Variants in HERC2 observed in about 807,000 individuals in gnomAD.
HERC2 encodes HECT and RLD domain containing E3 ubiquitin protein ligase 2, also known as E3 ubiquitin-protein ligase HERC2.
In HERC2, 102 loss-of-function variants were observed where a neutral mutation model predicts 537.7. That is an observed-to-expected ratio of 0.19 (90% CI 0.16 to 0.22). The LOEUF (loss-of-function observed/expected upper bound fraction) is 0.22, where lower values mean the gene tolerates loss of function less well. Ranked by LOEUF, HERC2 falls within the 10% of genes least tolerant of loss-of-function variation. The pLI is 1.00. For synonymous variants in HERC2, 2,224 were observed against 2,466.2 expected, an observed-to-expected ratio of 0.90 and a Z score of 2.91; for missense variants, 4,236 against 6,198.2, an observed-to-expected ratio of 0.68 and a Z score of 10.63.
intron 78 of HERC2, 145 bp downstream of exon 78, chr15:28,141,287 C>T (rs747185424): frequency 1.6e-6 from 1 of 612,156 alleles, no homozygotes; most frequent in Non-Finnish European, 2.9e-6. Context: ...TCTTAGAACT[C>T]TAGCTGCTTC....
At chr15:28,129,999 T>A (rs1889939116) in intron 83 of HERC2, among the ~76,000 whole-genome samples, 164 bp downstream of exon 83, 1 of 152,104 alleles carries the variant, frequency 6.6e-6, no homozygotes, top group Non-Finnish European at 1.5e-5. Flanking sequence ...GGTCTCGATC[T>A]CTTGACCTCG....
intron 30 of HERC2, among the ~76,000 whole-genome samples, chr15:28,231,556 A>G (rs1901850418): frequency 6.6e-6 from 1 of 152,160 alleles, no homozygotes; most frequent in Non-Finnish European, 1.5e-5. Flanking sequence ...AATTCTTCAC[A>G]CATGATATGA....
At chr15:28,299,766 AC>A (rs1887113022) in intron 2 of HERC2, among the ~76,000 whole-genome samples, 1 of 152,196 alleles carries the variant, frequency 6.6e-6, no homozygotes, top group South Asian at 2.1e-4. Flanking sequence ...GAAAAATGAC[AC>A]GTGGTCGGGC....
Position 28,214,169 on chromosome 15 carries a change from G to C in HERC2, c.6462C>G (p.His2154Gln). ...EEVVALLRTL[H>Q]SLTQWNGLIN... is the part of the protein sequence containing the mutation. ...TGAGCCCATTCCACTGAGTCAGGGA[G>C]TGCAGCGTGCGCAGCAGTGCCACCA... Residue 2154 changes from histidine to glutamine, a missense_variant, in exon 41 of 93, where the codon CAC becomes CAG. Around this residue, in one of 27 missense-constraint regions of HERC2, gnomAD observed 365 missense variants for 468.8 expected, o/e 0.78. Coordinates refer to ENST00000261609, the MANE Select transcript of HERC2 (RefSeq NM_004667.6). 3 of 1,613,260 alleles carry C rather than the reference G, an allele frequency of 1.9e-6. No homozygotes were observed. Among genetic ancestry groups the C allele is most frequent in the Non-Finnish European group, 2.5e-6 (3 of 1,179,848 alleles).
intron 2 of HERC2, among the ~76,000 whole-genome samples, chr15:28,319,863 C>G (rs2077185980): frequency 6.6e-6 from 1 of 152,176 alleles, no homozygotes; most frequent in African/African-American, 2.4e-5. Flanking sequence ...CAAAAAGTTT[C>G]TCAAAATACA....
At position 28,189,139 on chromosome 15, in the gene HERC2, T is replaced by C. The variant is rs115916528; in HGVS notation, c.8649+1826A>G. Among the ~76,000 whole-genome samples, 497 of 152,270 alleles carry C rather than the reference T, an allele frequency of 3.3e-3. 1 individual carries two copies. Among genetic ancestry groups the C allele is most frequent in the African/African-American group, 0.012 (479 of 41,556 alleles). On this transcript the variant is annotated intron_variant, in intron 55 of 92. Coordinates refer to ENST00000261609, the MANE Select transcript of HERC2 (RefSeq NM_004667.6). ...CAAACTATTTGTACAGCAAAGGCCA[T>C]GCTTAAGATGCAGTGGCTCCACAGG...
chr15:28,182,571 TA>T, intron 56 of HERC2, 59 bp from the exon 57 acceptor site: 1 of 1,281,734 alleles, frequency 7.8e-7, no homozygotes, highest in African/African-American at 1.5e-5. Context: ...ATAAAACATT[TA>T]AAAAATAAAA....
At chr15:28,245,566 TACACACACAC>T (rs200862998) in intron 23 of HERC2, among the ~76,000 whole-genome samples, 5,552 of 119,202 alleles carry the variant, frequency 0.047, 405 homozygotes, top group African/African-American at 0.15. Context: ...AAAAAATATA[TACACACACAC>T]ACACACACAC....
intron 6 of HERC2, 128 bp from the exon 7 acceptor site, chr15:28,274,575 G>A (rs2075821897): frequency 1.1e-6 from 1 of 928,278 alleles, no homozygotes; most frequent in African/African-American, 1.7e-5. Context: ...CCAAAATCTA[G>A]CGCAGCTGCT....
intron 22 of HERC2, 107 bp from the exon 23 acceptor site, chr15:28,246,173 T>C: frequency 1.4e-6 from 1 of 696,428 alleles, no homozygotes; most frequent in South Asian, 2.2e-5. Flanking sequence ...AAGAAATGTT[T>C]GTCCTTTAGC....
Position 28,238,722 on chromosome 15 carries a change from T to G in HERC2, c.3628A>C (p.Ile1210Leu). ...NCRNNEEVTL[I>L]RKADLENHNK... ...TGGTTCTCCAAATCAGCTTTGCGTATAAGTGTCACTTCCTCATTATTTCTA... is the reference window on the plus strand; with the variant it reads ...TGGTTCTCCAAATCAGCTTTGCGTAGAAGTGTCACTTCCTCATTATTTCTA... The change falls in exon 24 of 93, where the codon ATA becomes CTA. Residue 1210 changes from isoleucine (I) to leucine (L), a missense_variant. Ile to Leu is a conservative substitution (Grantham distance 5). Around this residue, in one of 27 missense-constraint regions of HERC2, gnomAD observed 754 missense variants for 1,085.0 expected, o/e 0.69. Coordinates refer to ENST00000261609, the MANE Select transcript of HERC2 (RefSeq NM_004667.6). 2 of 1,611,538 alleles carry G rather than the reference T, an allele frequency of 1.2e-6. No individual in the cohort carries two copies. Among genetic ancestry groups the G allele is most frequent in the South Asian group, 1.1e-5 (1 of 90,972 alleles).
intron 78 of HERC2, among the ~76,000 whole-genome samples, chr15:28,141,106 C>T (rs1295690692): frequency 3.3e-5 from 5 of 151,654 alleles, no homozygotes; most frequent in African/African-American, 9.7e-5. Flanking sequence ...GGTGTGGTGG[C>T]GGGCGCCTAT....
At chr15:28,285,801 G>GAAAA (rs1172373564) in intron 4 of HERC2, among the ~76,000 whole-genome samples, 1 of 82,726 alleles carries the variant, frequency 1.2e-5, no homozygotes, top group African/African-American at 1.3e-4. Context: ...AAGCATGACT[G>GAAAA]ACAAAAAAAA....
At chr15:28,150,279 G>C (rs983892240) in intron 70 of HERC2, among the ~76,000 whole-genome samples, 1 of 150,678 alleles carries the variant, frequency 6.6e-6, no homozygotes, top group African/African-American at 2.4e-5. Context: ...TTCTAACCGA[G>C]AACATCACTG....
chr15:28,162,254 C>T (rs913191091), intron 69 of HERC2, among the ~76,000 whole-genome samples: 4 of 152,184 alleles, frequency 2.6e-5, no homozygotes, highest in African/African-American at 4.8e-5. Context: ...CACCTGATCC[C>T]GGGAGGTAGA....
chr15:28,167,809 C>T lies in HERC2; in HGVS notation c.10432G>A (p.Ala3478Thr), dbSNP rs149437745. The T allele has an allele frequency of 1.4e-4, 231 of 1,613,240 alleles. No individual in the cohort carries two copies. The Middle Eastern group carries it at 2.6e-3, about 18-fold the overall frequency. The stretch of plus-strand genomic sequence containing the variant: ...GGAGTCACTGCAGAGGGGGTCACTG[C>T]GTCCTCAGAGGAAACAATCTAGTCC... ...EKREIVSSED[A>T]VTPSAVTPSA... is the part of the protein sequence containing the mutation. The change falls in exon 68 of 93, where the codon GCA becomes ACA. Residue 3478 changes from alanine (A) to threonine (T), a missense_variant. Ala to Thr is a moderately conservative substitution (Grantham distance 58, BLOSUM62 0). Coordinates refer to ENST00000261609, the MANE Select transcript of HERC2 (RefSeq NM_004667.6).
In HERC2 at chr15:28,297,554, A is replaced by T. The variant is rs533030542; in HGVS notation, c.187+1848T>A. Among the ~76,000 whole-genome samples the T allele has an allele frequency of 2.7e-5, 4 of 148,106 alleles. No homozygotes were observed. In the South Asian group the frequency reaches 6.4e-4, roughly 24 times the overall value. On this transcript the variant is annotated intron_variant, in intron 3 of 92. Coordinates refer to ENST00000261609, the MANE Select transcript of HERC2 (RefSeq NM_004667.6). Reference sequence around the variant, plus strand: ...TAAATATAAACCCATTATGTTGTTTAAAAAAAAAAACATGAAAATCAAAAG... The same window carrying T: ...TAAATATAAACCCATTATGTTGTTTTAAAAAAAAAACATGAAAATCAAAAG...
At position 28,255,982 on chromosome 15, in the gene HERC2, C is replaced by T. The variant is rs1188518536; in HGVS notation, c.2761G>A (p.Val921Met). 2 of 1,606,258 alleles carry T rather than the reference C, an allele frequency of 1.2e-6. No homozygotes were observed. Among genetic ancestry groups the T allele is most frequent in the South Asian group, 1.1e-5 (1 of 91,076 alleles). ...LLPCAVSGNE[V>M]NISPGRRFMI... ...AATCGACGACCTGGACTTATGTTCA[C>T]TTCATTGCCTGAAACTGAAATAGAA... is the stretch of plus-strand genomic sequence containing the variant. Residue 921 changes from valine to methionine, a missense_variant, in exon 19 of 93, where the codon GTG becomes ATG. Val to Met is a conservative substitution (Grantham distance 21). Transcript: ENST00000261609.
At chr15:28,278,441 G>C (rs1251753832) in intron 5 of HERC2, among the ~76,000 whole-genome samples, 1 of 151,964 alleles carries the variant, frequency 6.6e-6, no homozygotes, top group Admixed American at 6.5e-5. Context: ...TAAATGCTCT[G>C]GAATTAGATG....
Sources: gnomAD v4.1 joint callset for allele counts (sites outside exome capture counted in the v4.1 genomes callset) on GRCh38, gnomAD v4.1.1 for gene constraint, gnomAD v4.1.1 regional missense constraint, MANE v1.5 for transcripts, NCBI Gene and HGNC (gene_info 2026-07-23, HGNC 2026-07-21) for gene names.